Variants in CNTN3 observed in about 807,000 individuals in gnomAD.
CNTN3 encodes contactin-3.
In CNTN3, 60 loss-of-function variants were observed where a neutral mutation model predicts 119.1. The observed-to-expected ratio is 0.50, with a 90% confidence interval of 0.41 to 0.62. The LOEUF is 0.62. Among genes scored for constraint, CNTN3 ranks in the 20% least tolerant of loss-of-function variants. CNTN3 has a pLI of 0.00. For missense variants in CNTN3, 1,101 were observed against 1,242.4 expected, an observed-to-expected ratio of 0.89 and a Z score of 1.71; for synonymous variants, 450 against 438.7, an observed-to-expected ratio of 1.03 and a Z score of -0.32.
At chr3:74,531,967 T>G (rs936617202) in intron 1 of CNTN3, among the ~76,000 whole-genome samples, 5 of 151,632 alleles carry the variant, frequency 3.3e-5, no homozygotes, top group Non-Finnish European at 5.9e-5. Context: ...TTTAATGGCA[T>G]GTAAACTTTA....
chr3:74,287,310 T>C (rs1702134218), intron 19 of CNTN3, among the ~76,000 whole-genome samples: 1 of 152,184 alleles, frequency 6.6e-6, no homozygotes, highest in African/African-American at 2.4e-5. Flanking sequence ...TTCCAGTAAT[T>C]TGATTTTTCC....
rs75345117 is a variant in CNTN3, at chr3:74,435,832, C to G, written c.359-10892G>C. Among the ~76,000 whole-genome samples, 1,077 of 152,212 alleles carry G rather than the reference C, an allele frequency of 7.1e-3. 10 individuals carry two copies. Among genetic ancestry groups the G allele is most frequent in the African/African-American group, 0.024 (1,003 of 41,524 alleles). ...AGTCCCATTGATTTCAAGTCCAGTT[C>G]TTTTTGTCTTTGTATTATGCAATAG... On this transcript the variant is annotated intron_variant, in intron 4 of 22. Coordinates refer to ENST00000263665, the MANE Select transcript of CNTN3 (RefSeq NM_020872.3).
intron 13 of CNTN3, among the ~76,000 whole-genome samples, chr3:74,317,847 T>C (rs539406413): frequency 9.2e-5 from 14 of 152,304 alleles, no homozygotes; most frequent in South Asian, 6.2e-4. Context: ...AGTATCTTTG[T>C]GCCGTTCTCT....
chr3:74,596,124 T>C (rs1704804930), intron 1 of CNTN3, among the ~76,000 whole-genome samples: 1 of 152,030 alleles, frequency 6.6e-6, no homozygotes. Context: ...GAATCCAACT[T>C]ACAAGGGACG....
intron 13 of CNTN3, among the ~76,000 whole-genome samples, chr3:74,312,734 G>A (rs902146107): frequency 5.9e-5 from 9 of 151,988 alleles, no homozygotes; most frequent in Non-Finnish European, 1.2e-4. Flanking sequence ...GCTTATTTGT[G>A]GCAGTCCCTT....
intron 1 of CNTN3, among the ~76,000 whole-genome samples, chr3:74,603,757 G>T (rs1704949026): frequency 1.3e-5 from 2 of 151,850 alleles, no homozygotes; most frequent in African/African-American, 4.8e-5. Context: ...GCAATCTACA[G>T]ATTCAGTGCA....
At chr3:74,449,676 C>T (rs1381656532) in intron 4 of CNTN3, among the ~76,000 whole-genome samples, 1 of 152,102 alleles carries the variant, frequency 6.6e-6, no homozygotes, top group East Asian at 1.9e-4. Context: ...CCTTCTGATG[C>T]ACCTCAGCTT....
chr3:74,278,254 T>C (rs1285153754), intron 20 of CNTN3, among the ~76,000 whole-genome samples: 1 of 151,638 alleles, frequency 6.6e-6, no homozygotes, highest in Non-Finnish European at 1.5e-5. Flanking sequence ...CAAAGGATTA[T>C]AAAAAAAACT....
At chr3:74,320,088 A>G (rs561928189) in intron 13 of CNTN3, among the ~76,000 whole-genome samples, 304 of 152,324 alleles carry the variant, frequency 2.0e-3, no homozygotes, top group Middle Eastern at 6.8e-3. Flanking sequence ...ACCTAGTTCA[A>G]CCATTGTGGA....
chr3:74,382,773 T>C (rs745333472), intron 5 of CNTN3, among the ~76,000 whole-genome samples: 1 of 152,372 alleles, frequency 6.6e-6, no homozygotes, highest in Non-Finnish European at 1.5e-5. Flanking sequence ...CACCAATTGA[T>C]GGACACTTAG....
intron 4 of CNTN3, among the ~76,000 whole-genome samples, chr3:74,462,293 C>T (rs895656268): frequency 6.6e-6 from 1 of 152,016 alleles, no homozygotes; most frequent in African/African-American, 2.4e-5. Context: ...CAGGTATTTC[C>T]TTATAGCAAT....
In CNTN3 at chr3:74,614,433, T is replaced by TCGCCGCCGCCGCCGCCGCCGC. The variant is rs548175205; in HGVS notation, c.-144_-124dup. 3.4e-5 allele frequency among the ~76,000 whole-genome samples: 5 copies of TCGCCGCCGCCGCCGCCGCCGC among 145,446 alleles called. No individual in the cohort carries two copies. The highest frequency in any genetic ancestry group is 4.1e-4 in the East Asian group (2 of 4,824). On this transcript the variant is annotated 5_prime_UTR_variant, in exon 1 of 23. Coordinates refer to ENST00000263665, the MANE Select transcript of CNTN3 (RefSeq NM_020872.3). Reference sequence around the variant, plus strand: ...CCAGACGCCCGCCCCGACGGCCCACTCGCCGCCGCCGCCGCCGCCGCCGCC... The same window carrying TCGCCGCCGCCGCCGCCGCCGC: ...CCAGACGCCCGCCCCGACGGCCCACTCGCCGCCGCCGCCGCCGCCGCCGCCGCCGCCGCCGCCGCCGCCGCC...
intron 3 of CNTN3, among the ~76,000 whole-genome samples, chr3:74,490,813 A>G (rs560897140): frequency 6.6e-6 from 1 of 152,332 alleles, no homozygotes; most frequent in African/African-American, 2.4e-5. Context: ...TATGTTCCCA[A>G]AGTATTAGTG....
At chr3:74,339,595 T>C (rs1237408076) in intron 11 of CNTN3, among the ~76,000 whole-genome samples, 1 of 152,132 alleles carries the variant, frequency 6.6e-6, no homozygotes, top group Admixed American at 6.6e-5. Flanking sequence ...CTTATTTGAC[T>C]AATATTTTTC....
rs191032764 is a variant in CNTN3, at chr3:74,324,385, A to G, written c.1668+10350T>C. 2.8e-3 allele frequency among the ~76,000 whole-genome samples: 429 copies of G among 151,974 alleles called. 1 individual carries two copies. The highest frequency in any genetic ancestry group is 4.5e-3 in the Non-Finnish European group (308 of 67,958). ...TGCCACCTCGCCCAGGTAATTTTTA[A>G]TTTTTGGTAGAGACGGAGTTTTGCC... On this transcript the variant is annotated intron_variant, in intron 13 of 22. Transcript: ENST00000263665.
At chr3:74,469,994 T>C (rs1229786535) in intron 4 of CNTN3, among the ~76,000 whole-genome samples, 1 of 152,170 alleles carries the variant, frequency 6.6e-6, no homozygotes, top group Non-Finnish European at 1.5e-5. Flanking sequence ...GCATGTGATA[T>C]AGCTAATCAG....
At chr3:74,511,241 T>C (rs112193144) in intron 2 of CNTN3, among the ~76,000 whole-genome samples, 2 of 152,280 alleles carry the variant, frequency 1.3e-5, no homozygotes, top group African/African-American at 4.8e-5. Flanking sequence ...AGCAGTTCCA[T>C]ATTGACAGAG....
At chr3:74,345,076 T>A (rs1329863199) in intron 11 of CNTN3, among the ~76,000 whole-genome samples, 1 of 152,172 alleles carries the variant, frequency 6.6e-6, no homozygotes, top group Non-Finnish European at 1.5e-5. Flanking sequence ...CATTTTCTTT[T>A]ATGATGACTG....
intron 5 of CNTN3, among the ~76,000 whole-genome samples, chr3:74,407,696 A>C (rs1357804602): frequency 6.6e-6 from 1 of 152,100 alleles, no homozygotes; most frequent in East Asian, 1.9e-4. Flanking sequence ...GAGTACAGTG[A>C]CAGATGCATT....
Sources: allele counts gnomAD v4.1 joint callset (sites outside exome capture counted in the v4.1 genomes callset), GRCh38; gene constraint gnomAD v4.1.1; transcripts MANE v1.5; gene names NCBI Gene and HGNC (gene_info 2026-07-23, HGNC 2026-07-21).